The following TSPAN15 variants were observed in gnomAD, a reference collection of about 807,000 sequenced individuals.
TSPAN15 encodes tetraspanin-15.
Under a neutral mutation model 34.5 loss-of-function variants are expected in TSPAN15, and 20 were observed. That is an observed-to-expected ratio of 0.58 (90% CI 0.41 to 0.84). TSPAN15 has a LOEUF of 0.84. Among genes scored for constraint, TSPAN15 ranks in the 40% least tolerant of loss-of-function variants. TSPAN15 has a pLI of 0.00. For synonymous variants in TSPAN15, 155 were observed against 153.9 expected (o/e 1.01, Z -0.05); for missense variants, 313 against 386.1 (o/e 0.81, Z 1.59).
At chr10:69,507,888 A>G (rs542694777), downstream of TSPAN15, among the ~76,000 whole-genome samples, 2 of 151,376 alleles carry the variant, frequency 1.3e-5, no homozygotes, top group East Asian at 2.0e-4. Flanking sequence ...GGCCAGGTAC[A>G]GCATGAGGCT....
the TSPAN15 span, among the ~76,000 whole-genome samples, chr10:69,517,799 G>A: frequency 6.6e-6 from 1 of 152,178 alleles, no homozygotes; most frequent in Non-Finnish European, 1.5e-5. Flanking sequence ...AGGGGCCTGC[G>A]TGGGAGCCAG....
intron 1 of TSPAN15, among the ~76,000 whole-genome samples, chr10:69,467,492 C>T (rs1841409740): frequency 6.6e-6 from 1 of 152,080 alleles, no homozygotes; most frequent in Non-Finnish European, 1.5e-5. Context: ...CATGTGCCTG[C>T]AGTCCCAGCT....
At chr10:69,518,425 AT>A in the TSPAN15 span, among the ~76,000 whole-genome samples, 2 of 151,948 alleles carry the variant, frequency 1.3e-5, no homozygotes, top group African/African-American at 2.4e-5. Flanking sequence ...TAAACTCTTG[AT>A]TTTTTTTCTT....
chr10:69,530,806 CTCTCTCTCTCTCTCTATATATATA>C, the TSPAN15 span, among the ~76,000 whole-genome samples: 21 of 69,060 alleles, frequency 3.0e-4, no homozygotes, highest in South Asian at 5.9e-4. Context: ...CTCTCTCTCT[CTCTCTCTCTCTCTCTATATATATA>C]TATATATATA....
chr10:69,469,513 C>T (rs1841461524), intron 1 of TSPAN15, among the ~76,000 whole-genome samples: 1 of 152,086 alleles, frequency 6.6e-6, no homozygotes, highest in South Asian at 2.1e-4. Flanking sequence ...AGTGCAGTGG[C>T]TTGATCTTGG....
At chr10:69,528,445 C>T in the TSPAN15 span, among the ~76,000 whole-genome samples, 1 of 148,604 alleles carries the variant, frequency 6.7e-6, no homozygotes, top group Non-Finnish European at 1.5e-5. Flanking sequence ...ACAGTTTCAA[C>T]CCTGTTGGTG....
At chr10:69,531,538 G>A in the TSPAN15 span, among the ~76,000 whole-genome samples, 2 of 152,176 alleles carry the variant, frequency 1.3e-5, no homozygotes, top group Non-Finnish European at 2.9e-5. Context: ...GGTCAAGTCT[G>A]TGGTGAGACA....
chr10:69,490,258 A>C (rs375899500), intron 3 of TSPAN15, among the ~76,000 whole-genome samples: 1 of 152,188 alleles, frequency 6.6e-6, no homozygotes, highest in East Asian at 1.9e-4. Flanking sequence ...ACCTGAATAT[A>C]TAAAGTTTTC....
intron 1 of TSPAN15, among the ~76,000 whole-genome samples, chr10:69,465,352 G>A (rs1351645572): frequency 6.6e-6 from 1 of 152,200 alleles, no homozygotes; most frequent in East Asian, 1.9e-4. Flanking sequence ...CCTACTTCTG[G>A]CCTGTTCATT....
chr10:69,490,816 G>A (rs767982813), intron 3 of TSPAN15, among the ~76,000 whole-genome samples: 11 of 152,220 alleles, frequency 7.2e-5, no homozygotes, highest in African/African-American at 2.7e-4. Context: ...TCTTTAGTTT[G>A]TATCATTTTT....
At chr10:69,521,472 C>T in the TSPAN15 span, among the ~76,000 whole-genome samples, 1 of 147,876 alleles carries the variant, frequency 6.8e-6, no homozygotes, top group African/African-American at 2.5e-5. Flanking sequence ...TGGCCAGAAA[C>T]CCTGTCTCTA....
the TSPAN15 span, among the ~76,000 whole-genome samples, chr10:69,542,513 T>G: frequency 6.6e-6 from 1 of 152,230 alleles, no homozygotes; most frequent in Non-Finnish European, 1.5e-5. Context: ...TATCTGACAC[T>G]GGGTAATTTA....
chr10:69,459,429 A>T (rs1841194390), intron 1 of TSPAN15, among the ~76,000 whole-genome samples: 1 of 152,000 alleles, frequency 6.6e-6, no homozygotes, highest in South Asian at 2.1e-4. Flanking sequence ...GTGGGGAGGG[A>T]TGGGCGTTTC....
downstream of TSPAN15, among the ~76,000 whole-genome samples, chr10:69,510,457 G>A (rs180720370): frequency 6.6e-6 from 1 of 152,230 alleles, no homozygotes; most frequent in African/African-American, 2.4e-5. Flanking sequence ...GTTGCTTATC[G>A]GCTTAAGGAA....
At chr10:69,494,389 C>T (rs1842033532) in intron 3 of TSPAN15, among the ~76,000 whole-genome samples, 2 of 152,242 alleles carry the variant, frequency 1.3e-5, no homozygotes, top group South Asian at 2.1e-4. Flanking sequence ...TAAACACCTT[C>T]ACAGCTTTTG....
chr10:69,517,054 C>A, the TSPAN15 span, among the ~76,000 whole-genome samples: 18 of 152,354 alleles, frequency 1.2e-4, no homozygotes, highest in African/African-American at 4.1e-4. Flanking sequence ...CCCTCTCTGA[C>A]CTCTGCCTTC....
In TSPAN15 at chr10:69,498,408, T is replaced by C. The variant is rs1842134325; in HGVS notation, c.570+12T>C. 10 of 1,609,258 alleles carry C rather than the reference T, an allele frequency of 6.2e-6. No homozygotes were observed. The highest frequency in any genetic ancestry group is 8.5e-6 in the Non-Finnish European group (10 of 1,175,844). ...GCATCAGGAACACGGTAGACACTGC[T>C]CCTGTGGGGACTGGGGGGCTGTCGG... On this transcript the variant is annotated intron_variant, in intron 5 of 7. Transcript: ENST00000373290.
intron 3 of TSPAN15, chr10:69,494,609 G>A (rs1842038095): frequency 5.1e-6 from 5 of 981,566 alleles, no homozygotes; most frequent in Non-Finnish European, 6.1e-6. Context: ...AGGCCTACGG[G>A]TTTGGTTCAC....
the TSPAN15 span, among the ~76,000 whole-genome samples, chr10:69,513,364 T>C: frequency 1.3e-5 from 2 of 152,202 alleles, no homozygotes; most frequent in Non-Finnish European, 1.5e-5. Flanking sequence ...CTGTAGCTTG[T>C]CTTGTTCTCT....
Sources: allele counts gnomAD v4.1 joint callset (sites outside exome capture counted in the v4.1 genomes callset), GRCh38; gene constraint gnomAD v4.1.1; transcripts MANE v1.5; gene names NCBI Gene and HGNC (gene_info 2026-07-23, HGNC 2026-07-21).